Variants in NTAN1 observed in about 807,000 individuals in gnomAD.
The protein encoded by NTAN1 is protein N-terminal asparagine amidohydrolase.
NTAN1 carries 32 observed loss-of-function variants against 41.9 expected under a neutral mutation model. The observed-to-expected ratio is 0.76, with a 90% confidence interval of 0.58 to 1.03. The LOEUF (loss-of-function observed/expected upper bound fraction) is 1.03. Ranked by LOEUF, NTAN1 falls within the 50% of genes least tolerant of loss-of-function variation. The pLI is 0.00. For synonymous variants in NTAN1, 140 were observed against 139.5 expected (o/e 1.00, Z -0.03); for missense variants, 377 against 377.5 (o/e 1.00, Z 0.01).
chr16:15,045,444 G>C (rs978597418), intron 4 of NTAN1: 5 of 151,722 alleles, frequency 3.3e-5, no homozygotes, highest in Non-Finnish European at 7.3e-5. Context: ...GCCAGCCTGG[G>C]TGACAGAGCC....
At chr16:15,051,062 G>A (rs1478029689) in intron 1 of NTAN1, among the ~76,000 whole-genome samples, 2 of 152,062 alleles carry the variant, frequency 1.3e-5, no homozygotes, top group South Asian at 2.1e-4. Context: ...AGAATAACAG[G>A]GGAGAATTCA....
intron 5 of NTAN1, among the ~76,000 whole-genome samples, chr16:15,043,976 C>T (rs932307006): frequency 6.6e-6 from 1 of 152,012 alleles, no homozygotes; most frequent in African/African-American, 2.4e-5. Flanking sequence ...AAAAAATTTG[C>T]TAATAGGGAA....
intron 4 of NTAN1, 55 bp downstream of exon 4, chr16:15,047,387 T>G: frequency 8.7e-7 from 1 of 1,146,674 alleles, no homozygotes; most frequent in Non-Finnish European, 1.3e-6. Context: ...AGCCACGTCC[T>G]GTATGCGACG....
At chr16:15,052,260 A>G (rs539608862) in intron 1 of NTAN1, among the ~76,000 whole-genome samples, 4 of 152,218 alleles carry the variant, frequency 2.6e-5, no homozygotes, top group Non-Finnish European at 4.4e-5. Flanking sequence ...GTGACACCGA[A>G]GTTTTAATTT....
intron 5 of NTAN1, among the ~76,000 whole-genome samples, chr16:15,042,512 C>T (rs986828844): frequency 9.2e-5 from 14 of 152,000 alleles, no homozygotes; most frequent in African/African-American, 3.4e-4. Flanking sequence ...TCCTGATTTG[C>T]TTGTGCATAG....
intron 3 of NTAN1, 27 bp downstream of exon 3, chr16:15,047,828 T>C (rs774637498): frequency 3.8e-6 from 6 of 1,581,242 alleles, no homozygotes. Context: ...GTTTAAGTAA[T>C]GGTTTCCTTC....
chr16:15,051,709 T>C lies in NTAN1; in HGVS notation c.82-3610A>G, dbSNP rs866667442. On this transcript the variant is annotated intron_variant, in intron 1 of 9. Transcript: ENST00000287706. ...CTACTTTATTTTTAATTTTTTTTTT[T>C]TTTTTTTTAGAGACAAGGCCTCACT... is the stretch of plus-strand genomic sequence containing the variant. Among the ~76,000 whole-genome samples the C allele has an allele frequency of 8.5e-4, 127 of 148,952 alleles. 1 individual carries two copies. In the Middle Eastern group the frequency reaches 0.014, roughly 16 times the overall value.
chr16:15,050,219 A>G (rs1325140782), intron 1 of NTAN1, among the ~76,000 whole-genome samples: 2 of 152,258 alleles, frequency 1.3e-5, no homozygotes, highest in African/African-American at 4.8e-5. Flanking sequence ...TTATTTAACA[A>G]AAACTTTTTC....
At position 15,038,160 on chromosome 16, in the gene NTAN1, A is replaced by C; in HGVS notation, c.804T>G (p.Ile268Met). 3 of 1,613,418 alleles carry C rather than the reference A, an allele frequency of 1.9e-6. No homozygotes were observed. The highest frequency in any genetic ancestry group is 2.5e-6 in the Non-Finnish European group (3 of 1,179,440). Residue 268 changes from isoleucine to methionine, a missense_variant, in exon 10 of 10, where the codon ATT (isoleucine) becomes ATG (methionine). Physicochemically the swap from Ile to Met is conservative, Grantham distance 10. Transcript: ENST00000287706. Reference protein sequence around the residue: ...LAEPPHFVEHIRSTLMFLKKH... With the variant: ...LAEPPHFVEHMRSTLMFLKKH... ...TTTTTAAAAACATCAAGGTAGATCT[A>C]ATATGTTCAACAAAGTGGGGTGGCT...
chr16:15,054,168 A>G (rs983534584), intron 1 of NTAN1, among the ~76,000 whole-genome samples: 1 of 151,850 alleles, frequency 6.6e-6, no homozygotes, highest in Admixed American at 6.6e-5. Flanking sequence ...CGATGCCCTC[A>G]CCCTTCTTCT....
Position 15,047,726 on chromosome 16 carries a change from T to C in NTAN1, c.250+129A>G, listed in dbSNP as rs1434489805. On this transcript the variant is annotated intron_variant, in intron 3 of 9. Transcript: ENST00000287706. ...TGACCAGGACACCAGGGAGACACCA[T>C]GCAGACCAGAAAAAAGGTAAGCGGA... The C allele has an allele frequency of 4.6e-5, 43 of 929,808 alleles. 2 individuals carry two copies. Among genetic ancestry groups the C allele is most frequent in the Non-Finnish European group, 6.2e-5 (35 of 564,450 alleles). The allele number at this position is 929,808 out of a possible 1,614,324, so 57.6% of individuals were successfully genotyped here. A position where few individuals can be genotyped will look rare whatever the true frequency, so the allele number is the denominator to read the frequency against.
chr16:15,051,965 C>G (rs773305127), intron 1 of NTAN1, among the ~76,000 whole-genome samples: 6 of 152,050 alleles, frequency 3.9e-5, no homozygotes, highest in Non-Finnish European at 5.9e-5. Context: ...TGCAAGTAGT[C>G]CCAGTTTTCT....
At chr16:15,049,306 T>C (rs534703327) in intron 1 of NTAN1, among the ~76,000 whole-genome samples, 326 of 152,090 alleles carry the variant, frequency 2.1e-3, no homozygotes, top group Non-Finnish European at 3.6e-3. Context: ...TGGGATTACA[T>C]GCATAAGCCA....
chr16:15,039,935 T>TG, intron 8 of NTAN1, 34 bp downstream of exon 8: 3 of 1,270,662 alleles, frequency 2.4e-6, no homozygotes, highest in Non-Finnish European at 3.4e-6. Context: ...CCTTTTTTTT[T>TG]TTAACCCCTT....
intron 1 of NTAN1, 167 bp downstream of exon 1, chr16:15,055,724 G>C (rs953662450): frequency 2.6e-6 from 1 of 386,626 alleles, no homozygotes; most frequent in Non-Finnish European, 4.5e-6. Context: ...GTCTAAAGAA[G>C]GCAAAAACTC....
At chr16:15,044,516 G>A (rs968259303) in intron 4 of NTAN1, 109 bp from the exon 5 acceptor site, 4 of 755,072 alleles carry the variant, frequency 5.3e-6, no homozygotes, top group African/African-American at 5.3e-5. Flanking sequence ...CTCTACAGCA[G>A]AGCTGCAGGT....
intron 8 of NTAN1, among the ~76,000 whole-genome samples, chr16:15,039,045 T>C (rs2043684082): frequency 6.6e-6 from 1 of 152,170 alleles, no homozygotes; most frequent in Non-Finnish European, 1.5e-5. Context: ...AAAGTCTGTG[T>C]TCCCATTGCC....
intron 1 of NTAN1, among the ~76,000 whole-genome samples, chr16:15,052,350 T>C (rs183015880): frequency 2.0e-5 from 3 of 152,368 alleles, no homozygotes; most frequent in East Asian, 1.9e-4. Context: ...TCTTGGCCTA[T>C]AGGCTATACA....
intron 1 of NTAN1, among the ~76,000 whole-genome samples, chr16:15,050,471 A>C (rs2044250517): frequency 6.6e-6 from 1 of 152,142 alleles, no homozygotes; most frequent in Admixed American, 6.6e-5. Flanking sequence ...GATGGCTCCC[A>C]ACTGTAATTC....
Sources: allele counts gnomAD v4.1 joint callset (sites outside exome capture counted in the v4.1 genomes callset), GRCh38; gene constraint gnomAD v4.1.1; transcripts MANE v1.5; gene names NCBI Gene and HGNC (gene_info 2026-07-23, HGNC 2026-07-21).